Variants in ATG7 observed in about 807,000 individuals in gnomAD.
ATG7 encodes ubiquitin-like modifier-activating enzyme ATG7.
A neutral mutation model predicts 82.4 loss-of-function variants in ATG7; 70 were observed. That is an observed-to-expected ratio of 0.85 (90% CI 0.70 to 1.04). The LOEUF (loss-of-function observed/expected upper bound fraction) is 1.04. Among genes scored for constraint, ATG7 ranks in the 50% least tolerant of loss-of-function variants. The probability of loss-of-function intolerance (pLI) is 0.00; values close to 1 mark genes in which losing one functional copy is unlikely to be tolerated. For missense variants in ATG7, 792 were observed against 864.3 expected (o/e 0.92, Z 1.05); for synonymous variants, 287 against 313.0 (o/e 0.92, Z 0.88).
At chr3:11,318,961 G>A (rs954487912) in intron 9 of ATG7, among the ~76,000 whole-genome samples, 1 of 152,160 alleles carries the variant, frequency 6.6e-6, no homozygotes, top group Non-Finnish European at 1.5e-5. Flanking sequence ...AGTCTCCAAA[G>A]TAATTGTTGA....
At chr3:11,291,964 G>A (rs1945046456) in intron 3 of ATG7, among the ~76,000 whole-genome samples, 1 of 152,142 alleles carries the variant, frequency 6.6e-6, no homozygotes, top group South Asian at 2.1e-4. Flanking sequence ...TTAAACAAGG[G>A]AGCCACCTGT....
intron 20 of ATG7, among the ~76,000 whole-genome samples, chr3:11,473,792 T>A (rs1421641011): frequency 2.0e-5 from 3 of 152,206 alleles, no homozygotes; most frequent in African/African-American, 7.2e-5. Context: ...ACTTTATTTT[T>A]AAATGTAACC....
Position 11,376,630 on chromosome 3 carries a change from A to G in ATG7, c.1876-3342A>G, listed in dbSNP as rs192306761. ...TTGTAGTTCAGCTTAGCAGTTGTAC[A>G]GAGTCTGTAAAAAAAAATTCAATCC... On this transcript the variant is annotated intron_variant, in intron 18 of 20. Transcript: ENST00000693202. Among the ~76,000 whole-genome samples, 1,107 of 152,344 alleles carry G rather than the reference A, an allele frequency of 7.3e-3. 11 individuals are homozygous for G. Among genetic ancestry groups the G allele is most frequent in the Non-Finnish European group, 0.011 (752 of 68,040 alleles).
At chr3:11,334,489 C>A (rs918220838) in intron 11 of ATG7, among the ~76,000 whole-genome samples, 1 of 151,714 alleles carries the variant, frequency 6.6e-6, no homozygotes, top group African/African-American at 2.4e-5. Context: ...AGTGATCCAC[C>A]CACCTTGGCC....
At chr3:11,382,240 A>G (rs912046773) in intron 19 of ATG7, among the ~76,000 whole-genome samples, 1 of 152,244 alleles carries the variant, frequency 6.6e-6, no homozygotes, top group African/African-American at 2.4e-5. Flanking sequence ...TCATTATCTT[A>G]TTTATTAAAA....
downstream of ATG7, chr3:11,558,478 T>A: frequency 6.8e-7 from 1 of 1,479,268 alleles, no homozygotes; most frequent in Non-Finnish European, 9.0e-7. Flanking sequence ...CCCCATGATT[T>A]TTTTTTTTTT....
At chr3:11,448,873 G>A (rs2084833836) in intron 20 of ATG7, among the ~76,000 whole-genome samples, 1 of 152,056 alleles carries the variant, frequency 6.6e-6, no homozygotes, top group Non-Finnish European at 1.5e-5. Context: ...GGCAGGCCCT[G>A]GGGGTCTCTC....
In ATG7 at chr3:11,525,031, CTTTA is replaced by C. The variant is rs76955931; in HGVS notation, c.2080-29756_2080-29753del. Reference sequence around the variant, plus strand: ...TATTCCTCTGTCTGTGCAAATCTCACTTTATTTATTTATTTATTTATTTATTTTT... The same window carrying C: ...TATTCCTCTGTCTGTGCAAATCTCACTTTATTTATTTATTTATTTATTTTT... On this transcript the variant is annotated intron_variant, in intron 20 of 20. Transcript: ENST00000693202. Among the ~76,000 whole-genome samples, 500 of 151,342 alleles carry C rather than the reference CTTTA, an allele frequency of 3.3e-3. 15 individuals carry two copies. In the East Asian group the frequency reaches 0.08, roughly 24 times the overall value.
chr3:11,342,102 AG>A (rs1344431458), intron 12 of ATG7, 32 bp from the exon 13 acceptor site: 1 of 1,592,428 alleles, frequency 6.3e-7, no homozygotes, highest in African/African-American at 1.3e-5. Context: ...TGCATAAAGG[AG>A]TGACTGAATA....
chr3:11,508,739 C>G (rs1211365539), intron 20 of ATG7, among the ~76,000 whole-genome samples: 1 of 152,180 alleles, frequency 6.6e-6, no homozygotes, highest in East Asian at 1.9e-4. Context: ...GTGTCAGCTA[C>G]CATGCACAGC....
chr3:11,452,384 C>A (rs1213236496), intron 20 of ATG7, among the ~76,000 whole-genome samples: 170 of 58,340 alleles, frequency 2.9e-3, no homozygotes, highest in Admixed American at 3.3e-3. Context: ...GAACCTGTCT[C>A]AAAAAAAAAA....
At chr3:11,445,754 C>T (rs901348707) in intron 20 of ATG7, among the ~76,000 whole-genome samples, 1 of 152,190 alleles carries the variant, frequency 6.6e-6, no homozygotes, top group Non-Finnish European at 1.5e-5. Context: ...CACTGACTTA[C>T]ATGAATACCA....
At chr3:11,449,467 G>T (rs1472712120) in intron 20 of ATG7, among the ~76,000 whole-genome samples, 1 of 152,106 alleles carries the variant, frequency 6.6e-6, no homozygotes. Context: ...GAATGAAAAG[G>T]AGAGAGAGAT....
chr3:11,491,991 A>G (rs1200138872), intron 20 of ATG7, among the ~76,000 whole-genome samples: 1 of 152,158 alleles, frequency 6.6e-6, no homozygotes, highest in Non-Finnish European at 1.5e-5. Context: ...GGGCTACACC[A>G]AGTTTGAGCT....
chr3:11,368,360 G>C (rs1034554544), intron 18 of ATG7, among the ~76,000 whole-genome samples: 1 of 152,016 alleles, frequency 6.6e-6, no homozygotes, highest in Non-Finnish European at 1.5e-5. Flanking sequence ...GCACAGTTCA[G>C]GATTTATAAA....
chr3:11,545,847 A>G (rs1268970874), intron 20 of ATG7, among the ~76,000 whole-genome samples: 1 of 152,248 alleles, frequency 6.6e-6, no homozygotes, highest in Non-Finnish European at 1.5e-5. Flanking sequence ...CTCCTGCAGA[A>G]GAAGTGGGGG....
the ATG7 span, among the ~76,000 whole-genome samples, chr3:11,566,471 C>T: frequency 6.6e-6 from 1 of 152,188 alleles, no homozygotes; most frequent in Non-Finnish European, 1.5e-5. Context: ...AAGGCAAATC[C>T]AACCACATCC....
chr3:11,356,262 CTG>C (rs2075928484), intron 14 of ATG7, among the ~76,000 whole-genome samples: 1 of 152,194 alleles, frequency 6.6e-6, no homozygotes, highest in South Asian at 2.1e-4. Context: ...ATACATTGAA[CTG>C]TGCATATGAG....
chr3:11,426,773 C>G (rs2082397120), intron 19 of ATG7, 31 bp from the exon 20 acceptor site: 1 of 1,530,916 alleles, frequency 6.5e-7, no homozygotes, highest in Non-Finnish European at 8.8e-7. Context: ...AGTCTGGAGA[C>G]TCCTTTTTAA....
Sources: gnomAD v4.1 joint callset for allele counts (sites outside exome capture counted in the v4.1 genomes callset) on GRCh38, gnomAD v4.1.1 for gene constraint, MANE v1.5 for transcripts, NCBI Gene and HGNC (gene_info 2026-07-23, HGNC 2026-07-21) for gene names.